ANKRD35: variants seen among roughly 807,000 people sequenced by gnomAD.
ANKRD35 encodes ankyrin repeat domain 35, also known as ankyrin repeat domain-containing protein 35.
Under a neutral mutation model 109.9 loss-of-function variants are expected in ANKRD35, and 102 were observed. The ratio of observed to expected loss-of-function variants is 0.93; its 90% confidence interval spans 0.79 to 1.09. The LOEUF (loss-of-function observed/expected upper bound fraction) is 1.09, where lower values mean the gene tolerates loss of function less well. Ranked by LOEUF, ANKRD35 falls within the 50% of genes least tolerant of loss-of-function variation. The probability of loss-of-function intolerance (pLI) is 0.00; values close to 1 mark genes in which losing one functional copy is unlikely to be tolerated. For missense variants in ANKRD35, 1,240 were observed against 1,230.1 expected, an observed-to-expected ratio of 1.01 and a Z score of -0.12; for synonymous variants, 515 against 512.4, an observed-to-expected ratio of 1.01 and a Z score of -0.07.
intron 1 of ANKRD35, among the ~76,000 whole-genome samples, chr1:145,885,376 TGGGGGA>T (rs1365206329): frequency 6.6e-6 from 1 of 151,356 alleles, no homozygotes. Flanking sequence ...GGAAGATGCT[TGGGGGA>T]GGTTTGGTAC....
chr1:145,873,432 G>T lies in ANKRD35; in HGVS notation c.1337C>A (p.Thr446Asn), dbSNP rs1372089350. ...AGGGCCAAAGGTCTGTGCCCCATTG[G>T]TAGTCAGTTGCTGTCCTGTGGCTTT... Reference protein sequence around the residue: ...IRKATGQQLTTNGAQTFGPDH... With the variant: ...IRKATGQQLTNNGAQTFGPDH... Residue 446 changes from threonine to asparagine, a missense_variant, in exon 10 of 14, where the codon ACC becomes AAC. Transcript: ENST00000355594. 6.2e-7 allele frequency: 1 copy of T among 1,613,964 alleles called. No individual in the cohort carries two copies. The highest frequency in any genetic ancestry group is 8.5e-7 in the Non-Finnish European group (1 of 1,179,990).
chr1:145,881,326 T>C (rs1280322233), intron 1 of ANKRD35, among the ~76,000 whole-genome samples: 1 of 151,992 alleles, frequency 6.6e-6, no homozygotes, highest in Non-Finnish European at 1.5e-5. Context: ...GTCCACCTGA[T>C]GCCAAATCCT....
chr1:145,870,862 G>A, intron 10 of ANKRD35, among the ~76,000 whole-genome samples: 1 of 152,124 alleles, frequency 6.6e-6, no homozygotes, highest in South Asian at 2.1e-4. Context: ...GGGATTACAG[G>A]CACATGCCAC....
At chr1:145,868,557 C>T (rs1553738108) in intron 10 of ANKRD35, among the ~76,000 whole-genome samples, 157 bp from the exon 11 acceptor site, 1 of 152,162 alleles carries the variant, frequency 6.6e-6, no homozygotes, top group Non-Finnish European at 1.5e-5. Context: ...GTGTGGTGTT[C>T]ACTAAAAGTA....
chr1:145,877,264 T>C (rs1654116358), intron 4 of ANKRD35, among the ~76,000 whole-genome samples: 3 of 149,468 alleles, frequency 2.0e-5, no homozygotes, highest in Admixed American at 1.3e-4. Flanking sequence ...ACAGAGTCTC[T>C]CTCTGTTGCC....
intron 10 of ANKRD35, among the ~76,000 whole-genome samples, chr1:145,870,746 G>T (rs1553738458): frequency 6.6e-6 from 1 of 151,870 alleles, no homozygotes. Flanking sequence ...AGAAGGAGGA[G>T]TCTCGCTCTG....
chr1:145,881,776 C>T (rs1318164343), intron 1 of ANKRD35, among the ~76,000 whole-genome samples: 1 of 152,142 alleles, frequency 6.6e-6, no homozygotes, highest in Non-Finnish European at 1.5e-5. Context: ...GTGTCTGTCA[C>T]ATAGTAGATG....
rs1228419957 is a variant in ANKRD35, at chr1:145,873,428, A to T, written c.1341T>A (p.Asn447Lys). ...RKATGQQLTT[N>K]GAQTFGPDHA... ...GATCAGGGCCAAAGGTCTGTGCCCC[A>T]TTGGTAGTCAGTTGCTGTCCTGTGG... The change falls in exon 10 of 14, where the codon AAT becomes AAA. Residue 447 changes from asparagine (N) to lysine (K), a missense_variant. Physicochemically the swap from Asn to Lys is moderately conservative, Grantham distance 94. Coordinates refer to ENST00000355594, the MANE Select transcript of ANKRD35 (RefSeq NM_144698.5). 1 of 1,613,932 alleles carries T rather than the reference A, an allele frequency of 6.2e-7. No homozygotes were observed. Among genetic ancestry groups the T allele is most frequent in the Non-Finnish European group, 8.5e-7 (1 of 1,179,990 alleles).
At chr1:145,882,727 C>T (rs1399922360) in intron 1 of ANKRD35, among the ~76,000 whole-genome samples, 1 of 152,104 alleles carries the variant, frequency 6.6e-6, no homozygotes, top group Non-Finnish European at 1.5e-5. Flanking sequence ...AAGTAAAGGA[C>T]AGAGAGATGC....
intron 10 of ANKRD35, among the ~76,000 whole-genome samples, chr1:145,869,475 C>A (rs1653730344): frequency 6.7e-6 from 1 of 149,666 alleles, no homozygotes; most frequent in Admixed American, 6.7e-5. Context: ...AGCCACTGCG[C>A]CCAGCCTGTT....
At chr1:145,877,921 G>A (rs1184663885) in intron 4 of ANKRD35, 47 bp downstream of exon 4, 2 of 1,563,480 alleles carry the variant, frequency 1.3e-6, no homozygotes, top group Non-Finnish European at 8.8e-7. Flanking sequence ...AAAACTCTGG[G>A]ACCACTTCTT....
chr1:145,884,802 G>C (rs1443669871), intron 1 of ANKRD35, among the ~76,000 whole-genome samples: 2 of 152,118 alleles, frequency 1.3e-5, no homozygotes, highest in Non-Finnish European at 2.9e-5. Context: ...TGAATAATCT[G>C]GGGAAAAGCA....
In ANKRD35 at chr1:145,873,694, C is replaced by G. The variant is rs782482625; in HGVS notation, c.1075G>C (p.Gly359Arg). The G allele has an allele frequency of 3.1e-6, 5 of 1,614,006 alleles. No individual in the cohort carries two copies. The highest frequency in any genetic ancestry group is 3.3e-5 in the Admixed American group (2 of 59,994). ...SWEPRASGKQ[G>R]SSLRPGGDGM... ...TCCCCTCCAGGCCGGAGACTAGAGC[C>G]TTGCTTTCCTGAAGCTCTGGGCTCC... Residue 359 changes from glycine (G) to arginine (R), a missense_variant, in exon 10 of 14, where the codon GGC (glycine) becomes CGC (arginine). Physicochemically the swap from Gly to Arg is moderately radical, Grantham distance 125. Coordinates refer to ENST00000355594, the MANE Select transcript of ANKRD35 (RefSeq NM_144698.5).
At chr1:145,881,115 G>A (rs587630785) in intron 1 of ANKRD35, among the ~76,000 whole-genome samples, 2 of 152,242 alleles carry the variant, frequency 1.3e-5, no homozygotes, top group East Asian at 1.9e-4. Flanking sequence ...GTGAAACCCC[G>A]TCTCTACTAA....
intron 10 of ANKRD35, among the ~76,000 whole-genome samples, chr1:145,870,108 T>TA (rs1384696509): frequency 6.6e-6 from 1 of 151,172 alleles, no homozygotes; most frequent in Non-Finnish European, 1.5e-5. Context: ...TTTTTTTTTT[T>TA]GAGGCAGAAT....
chr1:145,873,141 C>T lies in ANKRD35; in HGVS notation c.1628G>A (p.Arg543Gln), dbSNP rs180884834. Residue 543 changes from arginine (R) to glutamine (Q), a missense_variant, in exon 10 of 14, where the codon CGG becomes CAG. Transcript: ENST00000355594. ...TGCCCATTCCAGCCTTGCCAGCACC[C>T]GCTCCAGTCGGGCTTCCATCTTCTC... is the stretch of plus-strand genomic sequence containing the variant. ...AWEKMEARLE[R>Q]VLARLEWAKA... 127 of 1,614,088 alleles carry T rather than the reference C, an allele frequency of 7.9e-5. No individual in the cohort carries two copies. In the African/African-American group the frequency reaches 8.3e-4, roughly 10 times the overall value.
chr1:145,881,190 C>A (rs1654272120), intron 1 of ANKRD35, among the ~76,000 whole-genome samples: 1 of 152,116 alleles, frequency 6.6e-6, no homozygotes, highest in Admixed American at 6.5e-5. Flanking sequence ...GAGACTGAGG[C>A]AGGAGAATTG....
At chr1:145,879,209 T>C in intron 2 of ANKRD35, 49 bp downstream of exon 2, 1 of 1,517,780 alleles carries the variant, frequency 6.6e-7, no homozygotes, top group Non-Finnish European at 8.9e-7. Flanking sequence ...ATTTGGGGGC[T>C]TCAAAAGGGA....
At chr1:145,879,116 A>T (rs1253016604) in intron 2 of ANKRD35, 142 bp downstream of exon 2, 1 of 1,194,068 alleles carries the variant, frequency 8.4e-7, no homozygotes. Context: ...ATATGTAGCA[A>T]AAAACTATTG....
Sources: allele counts gnomAD v4.1 joint callset (sites outside exome capture counted in the v4.1 genomes callset), GRCh38; gene constraint gnomAD v4.1.1; transcripts MANE v1.5; gene names NCBI Gene and HGNC (gene_info 2026-07-23, HGNC 2026-07-21).